The following TBC1D22A variants were observed in gnomAD, a reference collection of about 807,000 sequenced individuals.
The protein encoded by TBC1D22A is putative GTPase activator.
Under a neutral mutation model 60.2 loss-of-function variants are expected in TBC1D22A, and 38 were observed. The ratio of observed to expected loss-of-function variants is 0.63; its 90% CI spans 0.49 to 0.83. The LOEUF (loss-of-function observed/expected upper bound fraction) is 0.83. Ranked by LOEUF, TBC1D22A falls within the 40% of genes least tolerant of loss-of-function variation. The pLI is 0.00. For missense variants in TBC1D22A, 628 were observed against 701.0 expected (o/e 0.90, Z 1.18); for synonymous variants, 302 against 281.7 (o/e 1.07, Z -0.72).
intron 4 of TBC1D22A, among the ~76,000 whole-genome samples, chr22:46,868,686 A>G (rs1460453521): frequency 6.6e-6 from 1 of 152,184 alleles, no homozygotes; most frequent in Non-Finnish European, 1.5e-5. Flanking sequence ...CTAATTTTGC[A>G]GATTTTTACA....
intron 11 of TBC1D22A, among the ~76,000 whole-genome samples, chr22:47,056,051 T>C (rs1178814479): frequency 2.6e-5 from 4 of 152,146 alleles, no homozygotes; most frequent in Admixed American, 6.5e-5. Flanking sequence ...CATTACTTGC[T>C]TGAGTTAGGT....
intron 6 of TBC1D22A, 114 bp from the exon 7 acceptor site, chr22:46,894,670 G>A (rs1466933684): frequency 2.5e-6 from 3 of 1,223,462 alleles, no homozygotes; most frequent in African/African-American, 1.5e-5. Context: ...CTCAAGGAGA[G>A]AGCGGGGTAG....
At chr22:46,791,077 G>T (rs887300329) in intron 1 of TBC1D22A, among the ~76,000 whole-genome samples, 2 of 152,040 alleles carry the variant, frequency 1.3e-5, no homozygotes, top group African/African-American at 4.8e-5. Flanking sequence ...TTGAGACAGG[G>T]TCTCACTGTG....
chr22:47,061,916 C>T (rs535487872), intron 11 of TBC1D22A, among the ~76,000 whole-genome samples: 2 of 151,914 alleles, frequency 1.3e-5, no homozygotes, highest in Admixed American at 6.6e-5. Flanking sequence ...GGCAAAACCC[C>T]GTTTCTACTA....
rs760010010 is a variant in TBC1D22A at position 47,173,660 on chromosome 22, C to G, written c.*34C>G. 1 of 1,609,818 alleles carries G rather than the reference C, an allele frequency of 6.2e-7. No individual in the cohort carries two copies. Among genetic ancestry groups the G allele is most frequent in the Non-Finnish European group, 8.5e-7 (1 of 1,177,340 alleles). On this transcript the variant is annotated 3_prime_UTR_variant, in exon 13 of 13. Coordinates refer to ENST00000337137, the MANE Select transcript of TBC1D22A (RefSeq NM_014346.5). ...CCACCCGCAGCTGGCCTCACTGTCC[C>G]GGGTGGCGCGCCCCACCTGCCTGGC...
intron 12 of TBC1D22A, among the ~76,000 whole-genome samples, chr22:47,140,846 A>G (rs1470517362): frequency 6.6e-6 from 1 of 152,188 alleles, no homozygotes; most frequent in African/African-American, 2.4e-5. Context: ...CTACCCCAAA[A>G]AAACCTGCCT....
chr22:47,170,896 GA>G lies in TBC1D22A; in HGVS notation c.1426-2601del, dbSNP rs1336243348. 1.4e-3 allele frequency among the ~76,000 whole-genome samples: 210 copies of G among 151,164 alleles called. 71 individuals carry two copies. The highest frequency in any genetic ancestry group is 1.6e-3 in the African/African-American group (67 of 41,190). On this transcript the variant is annotated intron_variant, in intron 12 of 12. Transcript: ENST00000337137. ...CTGGTGTGTAACCCTCCTGATGCAG[GA>G]CCGGAGAGAGGGCAGTCCTGGTGTG...
chr22:47,091,038 C>T (rs539463699), intron 11 of TBC1D22A, among the ~76,000 whole-genome samples: 4 of 95,378 alleles, frequency 4.2e-5, no homozygotes, highest in Non-Finnish European at 5.8e-5. Flanking sequence ...CATGAGAAGT[C>T]GTCTTTGGGG....
rs34855054 is a variant in TBC1D22A, at chr22:46,879,643, G to A, written c.708+920G>A. 1.8e-3 allele frequency among the ~76,000 whole-genome samples: 274 copies of A among 152,226 alleles called. 3 individuals carry two copies. The East Asian group carries it at 0.038, about 21-fold the overall frequency. On this transcript the variant is annotated intron_variant, in intron 5 of 12. Coordinates refer to ENST00000337137, the MANE Select transcript of TBC1D22A (RefSeq NM_014346.5). ...AATTAGACTTGCTGCCATTGCTTAT[G>A]TTTTTGTTTTGTGCTTTTTTATTTT...
intron 4 of TBC1D22A, among the ~76,000 whole-genome samples, chr22:46,853,623 C>T (rs776373130): frequency 5.9e-5 from 9 of 152,350 alleles, no homozygotes; most frequent in Admixed American, 2.0e-4. Context: ...TTACTTACTT[C>T]GCTGAAACTG....
intron 8 of TBC1D22A, among the ~76,000 whole-genome samples, chr22:46,933,639 C>A (rs1005607932): frequency 1.2e-4 from 18 of 152,082 alleles, no homozygotes; most frequent in African/African-American, 3.6e-4. Context: ...GGGGGGTTGG[C>A]CCCCTGTGCC....
chr22:46,962,780 C>T (rs1259153080), intron 8 of TBC1D22A, among the ~76,000 whole-genome samples: 2 of 152,192 alleles, frequency 1.3e-5, no homozygotes, highest in Non-Finnish European at 2.9e-5. Flanking sequence ...CTGAACAAAA[C>T]CTATGTAGAA....
intron 11 of TBC1D22A, among the ~76,000 whole-genome samples, chr22:47,041,462 G>A (rs1426629567): frequency 1.3e-5 from 2 of 152,236 alleles, no homozygotes; most frequent in Non-Finnish European, 1.5e-5. Flanking sequence ...GTGCTGCGGA[G>A]GGACTGGAGT....
intron 4 of TBC1D22A, among the ~76,000 whole-genome samples, chr22:46,801,579 G>GATACCA (rs1208513924): frequency 1.3e-5 from 2 of 152,248 alleles, no homozygotes; most frequent in African/African-American, 4.8e-5. Context: ...TGACACTCAA[G>GATACCA]TTGGTCACAT....
At chr22:47,128,410 G>A in intron 12 of TBC1D22A, among the ~76,000 whole-genome samples, 1 of 131,226 alleles carries the variant, frequency 7.6e-6, no homozygotes, top group African/African-American at 3.0e-5. Flanking sequence ...GGAGGGAGGA[G>A]GAGCTGGTCC....
chr22:46,927,720 A>G lies in TBC1D22A; in HGVS notation c.1015+15532A>G, dbSNP rs116455556. The stretch of plus-strand genomic sequence containing the variant: ...ATCCACTAGAAAACTATGAAAGCTT[A>G]TAAACCAATTCAGGTTTGTAGGATG... On this transcript the variant is annotated intron_variant, in intron 8 of 12. Coordinates refer to ENST00000337137, the MANE Select transcript of TBC1D22A (RefSeq NM_014346.5). 5.8e-3 allele frequency among the ~76,000 whole-genome samples: 888 copies of G among 152,362 alleles called. 9 individuals carry two copies. Among genetic ancestry groups the G allele is most frequent in the African/African-American group, 0.02 (822 of 41,590 alleles).
intron 4 of TBC1D22A, among the ~76,000 whole-genome samples, chr22:46,816,197 C>T (rs940868453): frequency 8.5e-5 from 13 of 152,310 alleles, no homozygotes; most frequent in African/African-American, 2.6e-4. Flanking sequence ...CCTCTGCCTG[C>T]GGTGCTGTCC....
chr22:46,793,228 T>C lies in TBC1D22A; in HGVS notation c.120-273T>C, dbSNP rs1446126994. Among the ~76,000 whole-genome samples, 5 of 152,230 alleles carry C rather than the reference T, an allele frequency of 3.3e-5. No individual in the cohort carries two copies. The East Asian group carries it at 9.6e-4, about 29-fold the overall frequency. Reference sequence around the variant, plus strand: ...GCCCCAGGCACTGGCCAGAGTGAGCTGGGGTGGTCCTGCAGGGTATCACCA... The same window carrying C: ...GCCCCAGGCACTGGCCAGAGTGAGCCGGGGTGGTCCTGCAGGGTATCACCA... On this transcript the variant is annotated intron_variant, in intron 2 of 12. Transcript: ENST00000337137.
intron 12 of TBC1D22A, among the ~76,000 whole-genome samples, chr22:47,156,089 C>T (rs1255420121): frequency 6.6e-6 from 1 of 152,182 alleles, no homozygotes; most frequent in Non-Finnish European, 1.5e-5. Flanking sequence ...TTCCTGTCCT[C>T]CCAGATGGCT....
Sources: allele counts gnomAD v4.1 joint callset (sites outside exome capture counted in the v4.1 genomes callset), GRCh38; gene constraint gnomAD v4.1.1; transcripts MANE v1.5; gene names NCBI Gene and HGNC (gene_info 2026-07-23, HGNC 2026-07-21).